OVCH1: variants seen among roughly 807,000 people sequenced by gnomAD.
OVCH1 encodes ovochymase 1.
Under a neutral mutation model 138.4 loss-of-function variants are expected in OVCH1, and 139 were observed. That is an observed-to-expected ratio of 1.00 (90% CI 0.87 to 1.16). The LOEUF is 1.16. OVCH1 is among the 50% of genes most tolerant of loss of function. The pLI, the probability that OVCH1 is intolerant of heterozygous loss-of-function variation, is 0.00. For missense variants in OVCH1, 1,367 were observed against 1,357.9 expected (o/e 1.01, Z -0.11); for synonymous variants, 453 against 467.8 (o/e 0.97, Z 0.41).
chr12:29,428,101 A>T (rs1941208951), intron 27 of OVCH1, among the ~76,000 whole-genome samples: 1 of 152,140 alleles, frequency 6.6e-6, no homozygotes. Flanking sequence ...CATCAACAGC[A>T]GACAGGGCGG....
chr12:29,467,544 AG>A (rs1942363234), intron 16 of OVCH1, among the ~76,000 whole-genome samples: 1 of 152,164 alleles, frequency 6.6e-6, no homozygotes, highest in Non-Finnish European at 1.5e-5. Flanking sequence ...CCAACCCAAC[AG>A]TGGAGCATGT....
intron 26 of OVCH1, among the ~76,000 whole-genome samples, chr12:29,435,287 C>A (rs565592702): frequency 2.0e-5 from 3 of 152,146 alleles, no homozygotes; most frequent in South Asian, 4.2e-4. Context: ...CCCAGGAGTT[C>A]AAGGCTGAAT....
intron 22 of OVCH1, among the ~76,000 whole-genome samples, chr12:29,446,941 A>G (rs987550105): frequency 6.6e-6 from 1 of 151,154 alleles, no homozygotes; most frequent in African/African-American, 2.5e-5. Flanking sequence ...TAAATTAAAA[A>G]ATTTTTACAT....
chr12:29,465,682 T>C (rs985278557), intron 16 of OVCH1, among the ~76,000 whole-genome samples: 3 of 152,182 alleles, frequency 2.0e-5, no homozygotes, highest in Non-Finnish European at 4.4e-5. Context: ...AAAGGAGCTC[T>C]TGATCATGTA....
chr12:29,445,331 TG>T lies in OVCH1; in HGVS notation c.2827del (p.His943MetfsTer10). The stretch of plus-strand genomic sequence containing the variant: ...ACCAAATGCACCTCGTACAAGGGCA[TG>T]GAATGTCACCCTCACCAGCGGTCCA... On this transcript the variant is annotated frameshift_variant, in exon 23 of 28. Transcript: ENST00000318184. LOFTEE classifies it high-confidence loss of function. 6.2e-7 allele frequency: 1 copy of T among 1,611,914 alleles called. No homozygotes were observed. The highest frequency in any genetic ancestry group is 8.5e-7 in the Non-Finnish European group (1 of 1,178,344).
exon 11 of OVCH1, chr12:29,477,377 C>T (rs754703697): frequency 1.2e-6 from 2 of 1,613,962 alleles, no homozygotes; most frequent in Admixed American, 1.7e-5. Flanking sequence ...ACGGTAAGCT[C>T]AAAGCCACTG....
rs776269853 is a variant in OVCH1 at position 29,473,016 on chromosome 12, G to A, written c.1675+13C>T. On this transcript the variant is annotated intron_variant, in intron 15 of 27. Coordinates refer to ENST00000318184, the Ensembl canonical transcript of OVCH1. ...AAGATTAAACAGATAGTAATAACAT[G>A]TCACCAACTCACCATGCAGAATAGC... is the stretch of plus-strand genomic sequence containing the variant. The A allele has an allele frequency of 1.3e-6, 2 of 1,596,334 alleles. No individual in the cohort carries two copies. The highest frequency in any genetic ancestry group is 1.7e-6 in the Non-Finnish European group (2 of 1,166,506).
intron 6 of OVCH1, among the ~76,000 whole-genome samples, chr12:29,488,972 G>A (rs1052377340): frequency 5.4e-5 from 8 of 148,102 alleles, no homozygotes; most frequent in Non-Finnish European, 1.2e-4. Context: ...GATAATTTCA[G>A]AGAGCTTCCC....
intron 8 of OVCH1, among the ~76,000 whole-genome samples, 82 bp from the exon 9 acceptor site, chr12:29,484,882 T>G (rs1279013591): frequency 6.6e-6 from 1 of 152,218 alleles, no homozygotes; most frequent in African/African-American, 2.4e-5. Context: ...AGTCTGAAGC[T>G]GTACGATTTA....
At chr12:29,496,795 G>A in intron 1 of OVCH1, 121 bp from the exon 2 acceptor site, 4 of 677,734 alleles carry the variant, frequency 5.9e-6, no homozygotes, top group Non-Finnish European at 7.5e-6. Context: ...CTTAGCTGCA[G>A]ACTACCACAT....
At chr12:29,439,985 G>A (rs957160189) in intron 25 of OVCH1, among the ~76,000 whole-genome samples, 7 of 152,132 alleles carry the variant, frequency 4.6e-5, no homozygotes, top group South Asian at 2.1e-4. Context: ...AGCACCCTCC[G>A]TGTGTTCACC....
chr12:29,426,324 G>T (rs991495863), downstream of OVCH1, among the ~76,000 whole-genome samples: 16 of 152,184 alleles, frequency 1.1e-4, no homozygotes, highest in Admixed American at 6.5e-5. Flanking sequence ...GATAATTGCT[G>T]ACTTACATTA....
At chr12:29,482,874 A>G (rs1337230836) in intron 8 of OVCH1, among the ~76,000 whole-genome samples, 1 of 152,236 alleles carries the variant, frequency 6.6e-6, no homozygotes, top group African/African-American at 2.4e-5. Context: ...CCAATATACA[A>G]ATACTTTGCT....
chr12:29,483,118 C>A (rs1324545991), intron 8 of OVCH1, among the ~76,000 whole-genome samples: 1 of 152,078 alleles, frequency 6.6e-6, no homozygotes, highest in East Asian at 1.9e-4. Context: ...TTCTTTGGAT[C>A]AAAAAATATT....
intron 5 of OVCH1, 56 bp from the exon 6 acceptor site, chr12:29,489,827 T>A: frequency 6.5e-7 from 1 of 1,534,848 alleles, no homozygotes. Context: ...AACAAATTAA[T>A]GGGAAGTCTA....
intron 8 of OVCH1, among the ~76,000 whole-genome samples, chr12:29,482,645 T>C (rs1942970784): frequency 6.6e-6 from 1 of 152,248 alleles, no homozygotes; most frequent in Admixed American, 6.5e-5. Context: ...TTTTCAACAG[T>C]CACTTAACCC....
chr12:29,471,132 T>G (rs1465566338), intron 16 of OVCH1, among the ~76,000 whole-genome samples: 1 of 152,166 alleles, frequency 6.6e-6, no homozygotes, highest in African/African-American at 2.4e-5. Context: ...TCTCGAAAGG[T>G]GAGTATAAAG....
intron 3 of OVCH1, 114 bp from the exon 4 acceptor site, chr12:29,495,571 T>G (rs1943393020): frequency 2.1e-6 from 2 of 935,730 alleles, no homozygotes; most frequent in Middle Eastern, 2.2e-4. Flanking sequence ...CCTGAGTCTT[T>G]GAAGAAGGTT....
chr12:29,431,013 A>T, intron 27 of OVCH1: 2 of 420,456 alleles, frequency 4.8e-6, no homozygotes, highest in South Asian at 3.7e-5. Context: ...CTCTCATGGA[A>T]TATAGAATAA....
Sources: gnomAD v4.1 joint callset for allele counts (sites outside exome capture counted in the v4.1 genomes callset) on GRCh38, gnomAD v4.1.1 for gene constraint, MANE v1.5 for transcripts, NCBI Gene and HGNC (gene_info 2026-07-23, HGNC 2026-07-21) for gene names.